Variants in KCTD8 observed in about 807,000 individuals in gnomAD.
The protein encoded by KCTD8 is BTB/POZ domain-containing protein KCTD8.
Under a neutral mutation model 31.5 loss-of-function variants are expected in KCTD8, and 27 were observed. The observed-to-expected ratio is 0.86, with a 90% CI of 0.63 to 1.18. The LOEUF (loss-of-function observed/expected upper bound fraction) is 1.18, where lower values mean the gene tolerates loss of function less well. KCTD8 is among the 50% of genes most tolerant of loss of function. KCTD8 has a pLI of 0.00. For synonymous variants in KCTD8, 290 were observed against 280.0 expected, an observed-to-expected ratio of 1.04 and a Z score of -0.36; for missense variants, 658 against 647.7, an observed-to-expected ratio of 1.02 and a Z score of -0.17.
Position 44,447,553 on chromosome 4 carries a change from G to T in KCTD8, c.961+10C>A. The T allele has an allele frequency of 6.5e-7, 1 of 1,538,798 alleles. No homozygotes were observed. Among genetic ancestry groups the T allele is most frequent in the East Asian group, 2.4e-5 (1 of 42,518 alleles). ...AGGGGTGCTGGGAAACGCCGGGGCT[G>T]CGAACTTACGGAAGAAAATGTACTC... On this transcript the variant is annotated intron_variant, in intron 1 of 1. Transcript: ENST00000360029.
intron 1 of KCTD8, among the ~76,000 whole-genome samples, chr4:44,268,809 A>C (rs374651590): frequency 1.3e-5 from 2 of 151,972 alleles, no homozygotes; most frequent in Non-Finnish European, 2.9e-5. Context: ...AAGAGAATAA[A>C]ATACCTAGGA....
rs534774485 is a variant in KCTD8, at chr4:44,405,165, G to A, written c.961+42398C>T. ...TGACAACACCCTTACGTGCTTACAT[G>A]GTCTTAGGTTAAAAAAAAAAGGTCA... is the stretch of plus-strand genomic sequence containing the variant. On this transcript the variant is annotated intron_variant, in intron 1 of 1. Coordinates refer to ENST00000360029, the MANE Select transcript of KCTD8 (RefSeq NM_198353.3). Among the ~76,000 whole-genome samples, 3 of 145,126 alleles carry A rather than the reference G, an allele frequency of 2.1e-5. No homozygotes were observed. In the Admixed American group the frequency reaches 2.1e-4, roughly 10 times the overall value.
At chr4:44,333,078 G>A (rs1350573929) in intron 1 of KCTD8, among the ~76,000 whole-genome samples, 2 of 152,014 alleles carry the variant, frequency 1.3e-5, no homozygotes, top group Admixed American at 6.6e-5. Context: ...GTCATTCTTT[G>A]TTTCTAATGG....
chr4:44,215,199 C>T (rs935869208), intron 1 of KCTD8, among the ~76,000 whole-genome samples: 2 of 152,198 alleles, frequency 1.3e-5, no homozygotes, highest in African/African-American at 2.4e-5. Flanking sequence ...GTCTCCTGTA[C>T]AGCTAGCTCT....
At chr4:44,269,070 C>A (rs1283417866) in intron 1 of KCTD8, among the ~76,000 whole-genome samples, 1 of 152,056 alleles carries the variant, frequency 6.6e-6, no homozygotes, top group Admixed American at 6.6e-5. Context: ...CAAAAAAGAG[C>A]CCTCATTGCC....
chr4:44,375,482 G>A (rs553827047), intron 1 of KCTD8, among the ~76,000 whole-genome samples: 100 of 152,232 alleles, frequency 6.6e-4, no homozygotes, highest in African/African-American at 2.3e-3. Flanking sequence ...AGAGATTGCT[G>A]TGAGATGTCT....
At chr4:44,184,615 A>G (rs2109331981) in intron 1 of KCTD8, among the ~76,000 whole-genome samples, 1 of 152,312 alleles carries the variant, frequency 6.6e-6, no homozygotes, top group Non-Finnish European at 1.5e-5. Context: ...ACTCCTCAAA[A>G]GCAGAAACTG....
At chr4:44,300,417 T>G (rs1717576583) in intron 1 of KCTD8, among the ~76,000 whole-genome samples, 1 of 152,252 alleles carries the variant, frequency 6.6e-6, no homozygotes, top group East Asian at 1.9e-4. Context: ...AAAACTTGTT[T>G]GAAATATTCT....
At chr4:44,251,489 T>C (rs556768444) in intron 1 of KCTD8, among the ~76,000 whole-genome samples, 19 of 151,796 alleles carry the variant, frequency 1.3e-4, no homozygotes, top group African/African-American at 4.3e-4. Context: ...TTTTCATGTC[T>C]TTCTTTGAAA....
chr4:44,219,868 G>T (rs1226772846), intron 1 of KCTD8, among the ~76,000 whole-genome samples: 1 of 152,176 alleles, frequency 6.6e-6, no homozygotes, highest in Non-Finnish European at 1.5e-5. Context: ...CAGCGAGAAT[G>T]AAGTTAGGAT....
At chr4:44,292,411 G>A (rs1003181939) in intron 1 of KCTD8, among the ~76,000 whole-genome samples, 1 of 152,166 alleles carries the variant, frequency 6.6e-6, no homozygotes, top group East Asian at 1.9e-4. Flanking sequence ...TTATAAATGG[G>A]AGTGAAACCC....
chr4:44,333,340 A>G (rs901921639), intron 1 of KCTD8, among the ~76,000 whole-genome samples: 1 of 152,132 alleles, frequency 6.6e-6, no homozygotes, highest in African/African-American at 2.4e-5. Flanking sequence ...AGTCGCAAGC[A>G]AACCAAAAGA....
chr4:44,199,848 G>C (rs1455612856), intron 1 of KCTD8, among the ~76,000 whole-genome samples: 1 of 151,656 alleles, frequency 6.6e-6, no homozygotes, highest in Non-Finnish European at 1.5e-5. Context: ...CCATACAAAA[G>C]ATCAATGAAA....
intron 1 of KCTD8, among the ~76,000 whole-genome samples, chr4:44,201,744 C>G (rs1577827687): frequency 6.6e-6 from 1 of 151,908 alleles, no homozygotes; most frequent in East Asian, 1.9e-4. Flanking sequence ...GCTTTGGCAA[C>G]AAATTTTTTA....
At chr4:44,277,391 G>A (rs917041246) in intron 1 of KCTD8, among the ~76,000 whole-genome samples, 7 of 151,652 alleles carry the variant, frequency 4.6e-5, no homozygotes, top group African/African-American at 7.3e-5. Flanking sequence ...CATAAGATCC[G>A]CTTTCAGGAG....
intron 1 of KCTD8, among the ~76,000 whole-genome samples, chr4:44,269,178 G>A (rs1413210704): frequency 1.3e-5 from 2 of 152,142 alleles, no homozygotes. Context: ...GCATGGTACT[G>A]ATACCAAAAC....
At chr4:44,178,579 G>A (rs1713285720) in intron 1 of KCTD8, among the ~76,000 whole-genome samples, 1 of 152,024 alleles carries the variant, frequency 6.6e-6, no homozygotes. Context: ...GGATTAAACT[G>A]CAAATATCTA....
chr4:44,310,637 AC>A (rs1717921603), intron 1 of KCTD8, among the ~76,000 whole-genome samples: 1 of 152,108 alleles, frequency 6.6e-6, no homozygotes, highest in South Asian at 2.1e-4. Flanking sequence ...TTAATTCACT[AC>A]AAGAACCAAT....
intron 1 of KCTD8, among the ~76,000 whole-genome samples, chr4:44,202,083 A>G (rs1714166519): frequency 6.6e-6 from 1 of 152,172 alleles, no homozygotes; most frequent in Non-Finnish European, 1.5e-5. Context: ...TCAAAACCAC[A>G]ATGAGATACA....
Sources: gnomAD v4.1 joint callset for allele counts (sites outside exome capture counted in the v4.1 genomes callset) on GRCh38, gnomAD v4.1.1 for gene constraint, MANE v1.5 for transcripts, NCBI Gene and HGNC (gene_info 2026-07-23, HGNC 2026-07-21) for gene names.